Variants in FAM107B observed in about 807,000 individuals in gnomAD.
FAM107B encodes family with sequence similarity 107 member B, also known as protein FAM107B.
A neutral mutation model predicts 31.5 loss-of-function variants in FAM107B; 21 were observed. The ratio of observed to expected loss-of-function variants is 0.67; its 90% CI spans 0.47 to 0.96. FAM107B has a LOEUF of 0.96. Among genes scored for constraint, FAM107B ranks in the 40% least tolerant of loss-of-function variants. FAM107B has a pLI of 0.00. For synonymous variants in FAM107B, 157 were observed against 141.5 expected (o/e 1.11, Z -0.78); for missense variants, 452 against 377.1 (o/e 1.20, Z -1.64).
chr10:14,704,508 T>C (rs1045682166), intron 1 of FAM107B, among the ~76,000 whole-genome samples: 1 of 152,110 alleles, frequency 6.6e-6, no homozygotes, highest in Non-Finnish European at 1.5e-5. Flanking sequence ...ATCTACAAAT[T>C]ATACAGAGGG....
At chr10:14,709,528 G>T (rs552692768) in intron 1 of FAM107B, among the ~76,000 whole-genome samples, 4 of 152,252 alleles carry the variant, frequency 2.6e-5, no homozygotes, top group Admixed American at 2.6e-4. Context: ...AGAACAGCAT[G>T]GGAAAGACCT....
Position 14,774,399 on chromosome 10 carries a change from C to T in FAM107B, c.265G>A (p.Ala89Thr). ...GTGCGGTGACTTGAATTCCGATTCG[C>T]ACTGCCATTTCTCTCTGCATGGGTG... ...SSTHAERNGS[A>T]NRNSSHRTAA... Residue 89 changes from alanine (A) to threonine (T), a missense_variant, in exon 1 of 5, where the codon GCG (alanine) becomes ACG (threonine). Physicochemically the swap from Ala to Thr is moderately conservative, Grantham distance 58. Coordinates refer to ENST00000181796, the MANE Select transcript of FAM107B (RefSeq NM_031453.4). The T allele has an allele frequency of 6.2e-7, 1 of 1,614,230 alleles. No homozygotes were observed. Among genetic ancestry groups the T allele is most frequent in the South Asian group, 1.1e-5 (1 of 91,082 alleles).
At chr10:14,723,254 C>T (rs1425758975) in intron 1 of FAM107B, 3 of 533,776 alleles carry the variant, frequency 5.6e-6, no homozygotes, top group Non-Finnish European at 7.4e-6. Context: ...GGGCCGAGCA[C>T]TCCAGTCTTC....
At position 14,721,532 on chromosome 10, in the gene FAM107B, A is replaced by G. The variant is rs903060946; in HGVS notation, c.411+52721T>C. Among the ~76,000 whole-genome samples, 4 of 152,186 alleles carry G rather than the reference A, an allele frequency of 2.6e-5. No homozygotes were observed. In the East Asian group the frequency reaches 5.8e-4, roughly 22 times the overall value. On this transcript the variant is annotated intron_variant, in intron 1 of 4. Coordinates refer to ENST00000181796, the MANE Select transcript of FAM107B (RefSeq NM_031453.4). The stretch of plus-strand genomic sequence containing the variant: ...GTTGTTTCCTGACTTTTTAATGATC[A>G]CCATTCTAACTGGTGTGAGATGGTA...
intron 2 of FAM107B, among the ~76,000 whole-genome samples, chr10:14,636,345 A>G (rs2131425790): frequency 6.6e-6 from 1 of 151,900 alleles, no homozygotes; most frequent in South Asian, 2.1e-4. Flanking sequence ...GAGAGAGAGA[A>G]ATGTCTACTT....
At chr10:14,767,355 G>C (rs962056077) in intron 1 of FAM107B, among the ~76,000 whole-genome samples, 1 of 151,728 alleles carries the variant, frequency 6.6e-6, no homozygotes, top group African/African-American at 2.4e-5. Context: ...GCCTCCCGAA[G>C]TCCTGGGATT....
chr10:14,723,869 G>C, intron 1 of FAM107B: 2 of 754,408 alleles, frequency 2.7e-6, no homozygotes, highest in South Asian at 2.7e-5. Flanking sequence ...ACAACGGCAT[G>C]AACTGCCAGC....
intron 1 of FAM107B, among the ~76,000 whole-genome samples, chr10:14,710,112 A>T (rs887986926): frequency 2.6e-5 from 4 of 152,192 alleles, no homozygotes; most frequent in African/African-American, 9.7e-5. Context: ...TGACTCAGTA[A>T]TTACTTCAAA....
chr10:14,671,836 T>C (rs1854553839), intron 1 of FAM107B, among the ~76,000 whole-genome samples: 1 of 149,976 alleles, frequency 6.7e-6, no homozygotes. Flanking sequence ...ACCCTGGACT[T>C]TTCCGCATAA....
At chr10:14,710,389 A>G (rs1047848555) in intron 1 of FAM107B, among the ~76,000 whole-genome samples, 7 of 151,832 alleles carry the variant, frequency 4.6e-5, no homozygotes, top group Non-Finnish European at 8.8e-5. Context: ...CCAGCATGGG[A>G]TAAAAAACAT....
rs1564606894 is a variant in FAM107B, at chr10:14,629,436, T to TATATA, written c.469+38193_469+38197dup. ...TATATATAATATATATAATATATAT[T>TATATA]ATATATATATTATATATATATTATA... On this transcript the variant is annotated intron_variant, in intron 2 of 4. Transcript: ENST00000181796. 1.2e-3 allele frequency among the ~76,000 whole-genome samples: 23 copies of TATATA among 18,680 alleles called. 2 individuals are homozygous for TATATA. The South Asian group carries it at 0.025, about 20-fold the overall frequency. The allele number at this position is 18,680 out of a possible 152,430, so 12.3% of individuals were successfully genotyped here. A position where few individuals can be genotyped will look rare whatever the true frequency, so the allele number is the denominator to read the frequency against.
At chr10:14,616,136 T>A (rs1037151853) in intron 2 of FAM107B, among the ~76,000 whole-genome samples, 3 of 152,296 alleles carry the variant, frequency 2.0e-5, no homozygotes, top group South Asian at 2.1e-4. Context: ...TTTAAAAAAA[T>A]AATAATAATA....
At chr10:14,537,154 G>A (rs1847702620) in intron 2 of FAM107B, among the ~76,000 whole-genome samples, 4 of 152,068 alleles carry the variant, frequency 2.6e-5, no homozygotes, top group African/African-American at 7.2e-5. Context: ...TGGCAGGTCC[G>A]CTTTCCTTAG....
intron 1 of FAM107B, among the ~76,000 whole-genome samples, chr10:14,751,928 T>A (rs931700528): frequency 6.6e-6 from 1 of 151,866 alleles, no homozygotes; most frequent in African/African-American, 2.4e-5. Flanking sequence ...GCTGGGAAGG[T>A]GAGAAGTTTG....
At chr10:14,524,713 A>C (rs1450313483) in intron 3 of FAM107B, among the ~76,000 whole-genome samples, 1 of 152,218 alleles carries the variant, frequency 6.6e-6, no homozygotes, top group Non-Finnish European at 1.5e-5. Context: ...AGACAGAATT[A>C]AGGGGTTTAA....
Position 14,521,117 on chromosome 10 carries a change from T to C in FAM107B, c.*73A>G. 2.6e-6 allele frequency: 3 copies of C among 1,172,276 alleles called. No individual in the cohort carries two copies. The highest frequency in any genetic ancestry group is 2.7e-5 in the South Asian group (2 of 74,582). 72.6% of individuals were successfully genotyped at this position (1,172,276 alleles called of 1,614,324 possible). A position where few individuals can be genotyped will look rare whatever the true frequency, so the allele number is the denominator to read the frequency against. On this transcript the variant is annotated 3_prime_UTR_variant, in exon 5 of 5. Coordinates refer to ENST00000181796, the MANE Select transcript of FAM107B (RefSeq NM_031453.4). ...TGGCTGAAATATTCTCCAGGGGCTT[T>C]TGCCCTGAGATTGAGAAGGCACCCA...
intron 2 of FAM107B, among the ~76,000 whole-genome samples, chr10:14,636,851 C>T (rs1325027722): frequency 6.6e-6 from 1 of 152,156 alleles, no homozygotes; most frequent in Non-Finnish European, 1.5e-5. Flanking sequence ...TTTGGAATTG[C>T]TTGAGTTGAT....
At chr10:14,636,119 C>T (rs1268486969) in intron 2 of FAM107B, among the ~76,000 whole-genome samples, 3 of 152,132 alleles carry the variant, frequency 2.0e-5, no homozygotes, top group Non-Finnish European at 4.4e-5. Flanking sequence ...ACTACTTCTT[C>T]GATGCTCCTT....
chr10:14,636,221 T>C (rs530717580), intron 2 of FAM107B, among the ~76,000 whole-genome samples: 16 of 144,326 alleles, frequency 1.1e-4, no homozygotes, highest in African/African-American at 4.2e-4. Context: ...CAGAATAGGA[T>C]GGATATGCAC....
Sources: allele counts gnomAD v4.1 joint callset (sites outside exome capture counted in the v4.1 genomes callset), GRCh38; gene constraint gnomAD v4.1.1; transcripts MANE v1.5; gene names NCBI Gene and HGNC (gene_info 2026-07-23, HGNC 2026-07-21).